ALAS2: variants seen among roughly 807,000 people sequenced by gnomAD.
The protein encoded by ALAS2 is 5-aminolevulinate synthase, erythroid-specific, mitochondrial.
Under a neutral mutation model 33.7 loss-of-function variants are expected in ALAS2, and 3 were observed. The ratio of observed to expected loss-of-function variants is 0.09; its 90% confidence interval spans 0.04 to 0.23. ALAS2 has a LOEUF of 0.23. ALAS2 is among the 10% of genes least tolerant of loss of function. The probability of loss-of-function intolerance (pLI) is 1.00; values close to 1 mark genes in which losing one functional copy is unlikely to be tolerated. For missense variants in ALAS2, 304 were observed against 475.1 expected (o/e 0.64, Z 3.35); for synonymous variants, 191 against 177.3 (o/e 1.08, Z -0.61).
chrX:55,018,194 TGG>T (rs1249735474), intron 6 of ALAS2, among the ~76,000 whole-genome samples: 1 of 111,689 alleles, frequency 9.0e-6, no homozygotes, highest in African/African-American at 3.3e-5. Context: ...TTAGTGATCA[TGG>T]GATTCATCCC....
At chrX:55,013,885 CTGTT>C (rs1168238554) in intron 9 of ALAS2, among the ~76,000 whole-genome samples, 2 of 110,972 alleles carry the variant, frequency 1.8e-5, no homozygotes, top group East Asian at 5.7e-4. Context: ...TGTTTGGAAG[CTGTT>C]TGCAGAGCAA....
intron 10 of ALAS2, among the ~76,000 whole-genome samples, chrX:55,011,034 T>A (rs1935592997): frequency 9.0e-6 from 1 of 111,016 alleles, no homozygotes; most frequent in Non-Finnish European, 1.9e-5. Flanking sequence ...ATGAGCAAAG[T>A]CCCAGAGGTA....
rs745308515 is a variant in ALAS2 at position 55,009,267 on chromosome X, G to A, written c.1677C>T (p.Arg559=). The change falls in exon 11 of 11, where the codon CGC becomes CGT. Residue 559 remains arginine (R), a synonymous_variant. Transcript: ENST00000650242. ...TCATGAGCTCAAAGTGTACAGGACG[G>A]CGACAGAAATTGCAGGCAGCCACAG... The part of the protein sequence containing the change: ...DVSVAACNFC[R]RPVHFELMSE... 1.7e-6 allele frequency: 2 copies of A among 1,206,628 alleles called. No homozygotes were observed. Among genetic ancestry groups the A allele is most frequent in the Non-Finnish European group, 2.2e-6 (2 of 893,101 alleles).
intron 3 of ALAS2, 23 bp from the exon 4 acceptor site, chrX:55,023,890 T>C: frequency 1.6e-5 from 18 of 1,138,756 alleles, no homozygotes; most frequent in East Asian, 3.0e-5. Flanking sequence ...GTGAGATTCA[T>C]TGGCCGTGAA....
At chrX:55,009,371 A>G in intron 10 of ALAS2, 28 bp from the exon 11 acceptor site, 22 of 1,178,209 alleles carry the variant, frequency 1.9e-5, no homozygotes, top group Non-Finnish European at 2.3e-5. Context: ...AGGGGAGGGA[A>G]AAAATGGGTT....
chrX:55,027,670 G>A, intron 1 of ALAS2: 1 of 993,113 alleles, frequency 1.0e-6, no homozygotes, highest in Non-Finnish European at 1.4e-6. Flanking sequence ...GGACAGGTCA[G>A]CTCATGGCCC....
chrX:55,017,375 T>C (rs1417276059), intron 7 of ALAS2, 111 bp downstream of exon 7: 1 of 763,224 alleles, frequency 1.3e-6, no homozygotes, highest in Non-Finnish European at 2.0e-6. Context: ...TGGCACATAA[T>C]AAACACTATA....
In ALAS2 at chrX:55,009,187, T is replaced by A. The variant is rs139596860; in HGVS notation, c.1757A>T (p.Tyr586Phe). ...GNMGPQYVTT[Y>F]A Reference sequence around the variant, plus strand: ...TCCTAGGCAGCTGGCTTCTCAGGCATAGGTGGTGACATACTGGGGCCCCAT... The same window carrying A: ...TCCTAGGCAGCTGGCTTCTCAGGCAAAGGTGGTGACATACTGGGGCCCCAT... The change falls in exon 11 of 11, where the codon TAT becomes TTT. Residue 586 changes from tyrosine (Y) to phenylalanine (F), a missense_variant. Transcript: ENST00000650242. 4.0e-4 allele frequency: 481 copies of A among 1,205,917 alleles called. 1 individual carries two copies. The African/African-American group carries it at 6.7e-3, about 17-fold the overall frequency.
chrX:55,011,119 G>A (rs763592141), intron 10 of ALAS2, among the ~76,000 whole-genome samples: 1 of 110,809 alleles, frequency 9.0e-6, no homozygotes, highest in East Asian at 2.9e-4. Context: ...TGGGGAGGAG[G>A]TGAGGGCATA....
At chrX:55,023,999 A>G in intron 3 of ALAS2, 132 bp from the exon 4 acceptor site, 1 of 524,939 alleles carries the variant, frequency 1.9e-6, no homozygotes, top group Middle Eastern at 3.4e-4. Context: ...CTACAGCGAG[A>G]AGAAATCTTC....
At chrX:55,018,764 T>C (rs1935748404) in intron 6 of ALAS2, among the ~76,000 whole-genome samples, 1 of 111,140 alleles carries the variant, frequency 9.0e-6, no homozygotes, top group African/African-American at 3.3e-5. Flanking sequence ...CTAAAGGGTT[T>C]TGACCAGGGC....
intron 7 of ALAS2, 74 bp downstream of exon 7, chrX:55,017,412 C>T: frequency 1.4e-5 from 12 of 871,324 alleles, no homozygotes; most frequent in Non-Finnish European, 2.0e-5. Context: ...ATGTTATCGT[C>T]ATCATCATCA....
chrX:55,020,612 C>T (rs1343643089), intron 5 of ALAS2, 108 bp from the exon 6 acceptor site: 1 of 769,763 alleles, frequency 1.3e-6, no homozygotes, highest in Admixed American at 2.8e-5. Context: ...AGTTAGTGAT[C>T]CTATATAAAC....
At chrX:55,018,774 CTGAGGGTGGGGTGACAA>C (rs1352464490) in intron 6 of ALAS2, among the ~76,000 whole-genome samples, 1 of 110,383 alleles carries the variant, frequency 9.1e-6, no homozygotes, top group East Asian at 2.9e-4. Flanking sequence ...TTGACCAGGG[CTGAGGGTGGGGTGACAA>C]AGATAGTTTT....
intron 1 of ALAS2, among the ~76,000 whole-genome samples, chrX:55,026,636 C>T (rs1935897051): frequency 8.9e-6 from 1 of 111,769 alleles, no homozygotes; most frequent in South Asian, 3.7e-4. Context: ...TGAATTTGCT[C>T]CTGTCTCTTG....
At chrX:55,023,718 C>T (rs1935845203) in intron 4 of ALAS2, 39 bp downstream of exon 4, 1 of 1,108,836 alleles carries the variant, frequency 9.0e-7, no homozygotes, top group African/African-American at 1.8e-5. Context: ...AATGCCTTCC[C>T]TATTCCGGTC....
chrX:55,020,433 A>C lies in ALAS2; in HGVS notation c.710T>G (p.Val237Gly). ...CTCAGCCAGCTCCTGCTCAAGCTCC[A>C]CATGAAACTTACTGGTGCCTGAGAT... The part of the protein sequence containing the change: ...RNISGTSKFH[V>G]ELEQELAELH... Residue 237 changes from valine (V) to glycine (G), a missense_variant, in exon 6 of 11, where the codon GTG becomes GGG. Physicochemically the swap from Val to Gly is moderately radical, Grantham distance 109. Coordinates refer to ENST00000650242, the MANE Select transcript of ALAS2 (RefSeq NM_000032.5). 8.4e-7 allele frequency: 1 copy of C among 1,194,625 alleles called. No individual in the cohort carries two copies. Among genetic ancestry groups the C allele is most frequent in the South Asian group, 1.8e-5 (1 of 54,250 alleles).
At chrX:55,027,775 G>T in intron 1 of ALAS2, 1 of 1,211,026 alleles carries the variant, frequency 8.3e-7, no homozygotes, top group African/African-American at 1.7e-5. Flanking sequence ...TCTTTTTCTT[G>T]TTCCATCCCA....
At chrX:55,027,801 C>A (rs368071543) in intron 1 of ALAS2, 3 of 1,211,398 alleles carry the variant, frequency 2.5e-6, no homozygotes, top group Admixed American at 4.3e-5. Context: ...ACCTCTCCCC[C>A]TCTCATGGGC....
Sources: gnomAD v4.1 joint callset for allele counts (sites outside exome capture counted in the v4.1 genomes callset) on GRCh38, gnomAD v4.1.1 for gene constraint, MANE v1.5 for transcripts, NCBI Gene and HGNC (gene_info 2026-07-23, HGNC 2026-07-21) for gene names.